Variants in ALMS1 observed in about 807,000 individuals in gnomAD.
ALMS1 encodes centrosome-associated protein ALMS1.
Under a neutral mutation model 352.2 loss-of-function variants are expected in ALMS1, and 271 were observed. The observed-to-expected ratio is 0.77, with a 90% CI of 0.70 to 0.85. The LOEUF (loss-of-function observed/expected upper bound fraction) is 0.85, where lower values mean the gene tolerates loss of function less well. Among genes scored for constraint, ALMS1 ranks in the 40% least tolerant of loss-of-function variants. The pLI, the probability that ALMS1 is intolerant of heterozygous loss-of-function variation, is 0.00. For synonymous variants in ALMS1, 1,865 were observed against 1,761.2 expected (o/e 1.06, Z -1.48); for missense variants, 5,445 against 4,870.7 (o/e 1.12, Z -3.51).
intron 18 of ALMS1, 138 bp from the exon 19 acceptor site, chr2:73,601,057 C>A: frequency 6.8e-7 from 1 of 1,468,130 alleles, no homozygotes; most frequent in Non-Finnish European, 9.3e-7. Context: ...GCAGCAAAAC[C>A]AGACTCAAGG....
At chr2:73,597,322 T>G in intron 16 of ALMS1, among the ~76,000 whole-genome samples, 1 of 152,170 alleles carries the variant, frequency 6.6e-6, no homozygotes, top group Non-Finnish European at 1.5e-5. Flanking sequence ...TCTAGTTCTT[T>G]GAGGATTCCT....
rs1167966563 is a variant in ALMS1 at position 73,469,542 on chromosome 2, ATATAAT to A, written c.7674+14250_7674+14255del. ...ATGAAATGACTGATTTTCTTAGATA[ATATAAT>A]TAAACAGAAGCGTGTAACAGATTAA... On this transcript the variant is annotated intron_variant, in intron 9 of 22. Coordinates refer to ENST00000613296, the MANE Select transcript of ALMS1 (RefSeq NM_001378454.1). The A allele has an allele frequency of 2.0e-5, 3 of 151,964 alleles. No individual in the cohort carries two copies. In the East Asian group the frequency reaches 5.8e-4, roughly 29 times the overall value. The allele number at this position is 151,964 out of a possible 1,614,324, so 9.4% of individuals were successfully genotyped here. A position where few individuals can be genotyped will look rare whatever the true frequency, so the allele number is the denominator to read the frequency against.
intron 16 of ALMS1, among the ~76,000 whole-genome samples, chr2:73,581,935 G>C (rs1477050562): frequency 6.6e-6 from 1 of 151,980 alleles, no homozygotes; most frequent in Non-Finnish European, 1.5e-5. Flanking sequence ...GTAGAGACAG[G>C]GTTTCACCAC....
chr2:73,544,176 C>G (rs551814324), intron 12 of ALMS1, among the ~76,000 whole-genome samples: 1 of 152,256 alleles, frequency 6.6e-6, no homozygotes, highest in African/African-American at 2.4e-5. Flanking sequence ...CCATGGAATA[C>G]TATGCAGCCA....
At position 73,452,195 on chromosome 2, in the gene ALMS1, A is replaced by G. The variant is rs1273974376; in HGVS notation, c.5668A>G (p.Ile1890Val). The G allele has an allele frequency of 1.9e-6, 3 of 1,614,114 alleles. No homozygotes were observed. Among genetic ancestry groups the G allele is most frequent in the Non-Finnish European group, 2.5e-6 (3 of 1,180,018 alleles). The change falls in exon 8 of 23, where the codon ATA becomes GTA. Residue 1890 changes from isoleucine (I) to valine (V), a missense_variant. Coordinates refer to ENST00000613296, the MANE Select transcript of ALMS1 (RefSeq NM_001378454.1). The part of the protein sequence containing the change: ...GPADQKTGIQ[I>V]ASSSSYSNRE... ...TGCTGACCAGAAGACTGGGATACAAATAGCATCCTCTAGTTCCTACTCAAA... is the reference window on the plus strand; with the variant it reads ...TGCTGACCAGAAGACTGGGATACAAGTAGCATCCTCTAGTTCCTACTCAAA...
At chr2:73,410,360 T>C (rs1671051816) in intron 2 of ALMS1, among the ~76,000 whole-genome samples, 1 of 151,928 alleles carries the variant, frequency 6.6e-6, no homozygotes, top group Admixed American at 6.6e-5. Flanking sequence ...CTGCACTCCA[T>C]CCTGGGCGAT....
Position 73,534,941 on chromosome 2 carries a change from C to G in ALMS1, c.9899C>G (p.Ser3300Cys), listed in dbSNP as rs1453245318. ...AAATCAGATACCACCGTTGAAAGCT[C>G]CCATTCAGGTATTATGCAGAAATTA... ...DSKSDTTVESSHSGSNDAIAP... is the reference protein window; with the variant it reads ...DSKSDTTVESCHSGSNDAIAP... Residue 3300 changes from serine (S) to cysteine (C), a missense_variant, in exon 12 of 23, where the codon TCC (serine) becomes TGC (cysteine). Coordinates refer to ENST00000613296, the MANE Select transcript of ALMS1 (RefSeq NM_001378454.1). The G allele has an allele frequency of 6.2e-7, 1 of 1,613,736 alleles. No individual in the cohort carries two copies. Among genetic ancestry groups the G allele is most frequent in the Non-Finnish European group, 8.5e-7 (1 of 1,179,758 alleles).
Position 73,601,234 on chromosome 2 carries a change from G to C in ALMS1, c.11912G>C (p.Arg3971Thr). Residue 3971 changes from arginine (R) to threonine (T), a missense_variant, in exon 19 of 23, where the codon AGA becomes ACA. Transcript: ENST00000613296. ...GTTCCTGTGGAAAATGTGGAGTCTA[G>C]ATCAAAGAAGGAAAACGTGCCTAAC... is the stretch of plus-strand genomic sequence containing the variant. ...WFVPVENVESRSKKENVPNTC... is the reference protein window; with the variant it reads ...WFVPVENVESTSKKENVPNTC... The C allele has an allele frequency of 1.2e-6, 2 of 1,614,198 alleles. No homozygotes were observed. Among genetic ancestry groups the C allele is most frequent in the Non-Finnish European group, 1.7e-6 (2 of 1,180,026 alleles).
chr2:73,548,819 T>C (rs967553937), intron 12 of ALMS1, among the ~76,000 whole-genome samples: 1 of 152,068 alleles, frequency 6.6e-6, no homozygotes, highest in Admixed American at 6.5e-5. Flanking sequence ...TGGTGGTCGA[T>C]AAGTTTACCT....
intron 9 of ALMS1, among the ~76,000 whole-genome samples, chr2:73,482,994 A>G (rs952243523): frequency 6.6e-5 from 10 of 152,162 alleles, no homozygotes; most frequent in South Asian, 2.1e-4. Context: ...TCTTGCTAGC[A>G]GTCTTTTGTT....
In ALMS1 at chr2:73,608,536, T is replaced by C. The variant is rs954710649; in HGVS notation, c.12424T>C (p.Tyr4142His). 6.2e-7 allele frequency: 1 copy of C among 1,614,082 alleles called. No homozygotes were observed. Among genetic ancestry groups the C allele is most frequent in the Non-Finnish European group, 8.5e-7 (1 of 1,179,992 alleles). ...AGAAGAAGAGAAGAGAAAATCAGAA[T>C]ATAAGTCATACCGGCTGCGAGCCCA... is the stretch of plus-strand genomic sequence containing the variant. The part of the protein sequence containing the change: ...KREEEKRKSE[Y>H]KSYRLRAQLY... Residue 4142 changes from tyrosine to histidine, a missense_variant, in exon 22 of 23, where the codon TAT becomes CAT. Coordinates refer to ENST00000613296, the MANE Select transcript of ALMS1 (RefSeq NM_001378454.1).
At chr2:73,542,023 C>T (rs2104011455) in intron 12 of ALMS1, among the ~76,000 whole-genome samples, 1 of 152,280 alleles carries the variant, frequency 6.6e-6, no homozygotes, top group East Asian at 1.9e-4. Context: ...TTTTATGAGG[C>T]CAGCATCATC....
chr2:73,486,951 A>G (rs1049487524), intron 9 of ALMS1, among the ~76,000 whole-genome samples: 23 of 152,270 alleles, frequency 1.5e-4, no homozygotes, highest in Admixed American at 5.2e-4. Flanking sequence ...GCTATCCAGG[A>G]GGCTGAGGTG....
chr2:73,602,683 A>C (rs1298848781), intron 20 of ALMS1, among the ~76,000 whole-genome samples: 1 of 152,150 alleles, frequency 6.6e-6, no homozygotes, highest in African/African-American at 2.4e-5. Context: ...AGGCTTGCCT[A>C]CCTCTTAGGA....
At chr2:73,422,788 A>G (rs994672488) in intron 3 of ALMS1, 69 bp from the exon 4 acceptor site, 1 of 1,274,356 alleles carries the variant, frequency 7.8e-7, no homozygotes, top group Non-Finnish European at 1.1e-6. Context: ...GGTGCTTTAA[A>G]GTATTATATA....
intron 7 of ALMS1, among the ~76,000 whole-genome samples, chr2:73,447,485 A>G (rs900967290): frequency 2.6e-5 from 4 of 152,052 alleles, no homozygotes; most frequent in African/African-American, 9.7e-5. Context: ...GCCATATTGT[A>G]CTGCCCCTGT....
rs1034328680 is a variant in ALMS1 at position 73,478,656 on chromosome 2, G to A, written c.7675-10978G>A. ...TTTTTATTTATTTAGTAATTTATTCGTTTATTTATTTATTTATTTATTTAT... is the reference window on the plus strand; with the variant it reads ...TTTTTATTTATTTAGTAATTTATTCATTTATTTATTTATTTATTTATTTAT... On this transcript the variant is annotated intron_variant, in intron 9 of 22. Coordinates refer to ENST00000613296, the MANE Select transcript of ALMS1 (RefSeq NM_001378454.1). 1.5e-4 allele frequency among the ~76,000 whole-genome samples: 22 copies of A among 150,124 alleles called. No homozygotes were observed. In the East Asian group the frequency reaches 3.6e-3, roughly 24 times the overall value.
At chr2:73,495,294 G>T (rs1360303705) in intron 10 of ALMS1, among the ~76,000 whole-genome samples, 1 of 152,034 alleles carries the variant, frequency 6.6e-6, no homozygotes, top group Non-Finnish European at 1.5e-5. Flanking sequence ...GAGTGCAGTG[G>T]CGTGATCTTG....
At chr2:73,508,040 TAG>T (rs1241279678) in intron 10 of ALMS1, among the ~76,000 whole-genome samples, 2 of 152,136 alleles carry the variant, frequency 1.3e-5, no homozygotes, top group African/African-American at 2.4e-5. Flanking sequence ...ATTTAGCCAG[TAG>T]TCATTCAGGA....
Sources: allele counts gnomAD v4.1 joint callset (sites outside exome capture counted in the v4.1 genomes callset), GRCh38; gene constraint gnomAD v4.1.1; transcripts MANE v1.5; gene names NCBI Gene and HGNC (gene_info 2026-07-23, HGNC 2026-07-21).